Variants in OTULIN observed in about 807,000 individuals in gnomAD.
The protein encoded by OTULIN is OTU deubiquitinase with linear linkage specificity.
OTULIN carries 15 observed loss-of-function variants against 39.6 expected under a neutral mutation model. That is an observed-to-expected ratio of 0.38 (90% confidence interval 0.25 to 0.58). The LOEUF (loss-of-function observed/expected upper bound fraction) is 0.58, where lower values mean the gene tolerates loss of function less well. OTULIN is among the 20% of genes least tolerant of loss of function. The pLI, the probability that OTULIN is intolerant of heterozygous loss-of-function variation, is 0.66. For synonymous variants in OTULIN, 156 were observed against 170.3 expected, an observed-to-expected ratio of 0.92 and a Z score of 0.65; for missense variants, 319 against 445.9, an observed-to-expected ratio of 0.72 and a Z score of 2.56.
chr5:14,687,311 C>G (rs1004672910), intron 4 of OTULIN, among the ~76,000 whole-genome samples: 20 of 152,240 alleles, frequency 1.3e-4, no homozygotes, highest in Non-Finnish European at 1.0e-4. Context: ...CACCATTTCA[C>G]TCCAGCAGCC....
intron 1 of OTULIN, among the ~76,000 whole-genome samples, chr5:14,672,544 G>T (rs1451045250): frequency 2.0e-5 from 3 of 152,010 alleles, no homozygotes; most frequent in Non-Finnish European, 4.4e-5. Context: ...GTTCCACTGG[G>T]TCTGCAGCCT....
At chr5:14,668,806 T>G (rs31922) in intron 1 of OTULIN, among the ~76,000 whole-genome samples, 107,415 of 152,154 alleles carry the variant, frequency 0.71, 39,521 homozygotes, top group Middle Eastern at 0.85. Flanking sequence ...AATCAAAAAT[T>G]GAAAAACTGG....
At chr5:14,683,687 C>A (rs921809810) in intron 4 of OTULIN, among the ~76,000 whole-genome samples, 8 of 152,166 alleles carry the variant, frequency 5.3e-5, no homozygotes, top group African/African-American at 1.9e-4. Context: ...GACATAATAT[C>A]TTCCTCAATT....
the OTULIN span, chr5:14,713,735 C>G: frequency 6.2e-6 from 10 of 1,609,108 alleles, no homozygotes; most frequent in East Asian, 2.2e-4. The surrounding 1 kb of genome is among the most constrained non-coding windows in gnomAD (Gnocchi z 4.4). Context: ...TGCCTCTGGA[C>G]CAGGGCAGCA....
chr5:14,706,474 A>G, the OTULIN span: 1 of 152,210 alleles, frequency 6.6e-6, no homozygotes, highest in Non-Finnish European at 1.5e-5. Context: ...AATAGATTTA[A>G]TGTCCACTCT....
At chr5:14,714,070 G>A in the OTULIN span, among the ~76,000 whole-genome samples, 6 of 152,244 alleles carry the variant, frequency 3.9e-5, no homozygotes, top group Admixed American at 1.3e-4. Context: ...CAGAAAAGCT[G>A]GCATCAGAAG....
Position 14,696,999 on chromosome 5 carries a change from A to T in OTULIN, c.*3951A>T, listed in dbSNP as rs1736686320. On this transcript the variant is annotated 3_prime_UTR_variant, in exon 7 of 7. Transcript: ENST00000284274. ...GCCTGCCACTTCTGGCATTTCCTGT[A>T]AGTCACTAGCAGTAGGTGTGAGGTG... is the stretch of plus-strand genomic sequence containing the variant. 6.6e-6 allele frequency: 1 copy of T among 152,272 alleles called. No individual in the cohort carries two copies. The highest frequency in any genetic ancestry group is 1.5e-5 in the Non-Finnish European group (1 of 68,078). 9.4% of individuals were successfully genotyped at this position (152,272 alleles called of 1,614,324 possible).
intron 1 of OTULIN, among the ~76,000 whole-genome samples, chr5:14,671,326 AAGAGGAACCATGT>A (rs1397308621): frequency 2.0e-5 from 3 of 152,230 alleles, no homozygotes; most frequent in Non-Finnish European, 4.4e-5. Context: ...AAAGAACTGG[AAGAGGAACCATGT>A]AGCTTACACG....
At chr5:14,691,892 AT>A (rs1306875296) in intron 6 of OTULIN, among the ~76,000 whole-genome samples, 4 of 152,166 alleles carry the variant, frequency 2.6e-5, no homozygotes, top group African/African-American at 9.7e-5. Flanking sequence ...TGTTTTTAAG[AT>A]TTCATCCATA....
chr5:14,712,465 C>G, the OTULIN span, among the ~76,000 whole-genome samples: 255 of 152,366 alleles, frequency 1.7e-3, 5 homozygotes, highest in East Asian at 0.047. Flanking sequence ...AGAGGCTGCC[C>G]GAGCTCCTGT....
intron 4 of OTULIN, 143 bp downstream of exon 4, chr5:14,681,750 G>A: frequency 2.1e-6 from 2 of 970,526 alleles, no homozygotes; most frequent in East Asian, 2.8e-5. Context: ...TGTGGCTGGG[G>A]TGATTTCACA....
At chr5:14,677,129 A>G (rs999651671) in intron 2 of OTULIN, among the ~76,000 whole-genome samples, 6 of 152,216 alleles carry the variant, frequency 3.9e-5, no homozygotes, top group South Asian at 2.1e-4. Flanking sequence ...AGTTTACTTA[A>G]AAAATTTTTT....
the OTULIN span, chr5:14,709,490 C>T: frequency 6.6e-6 from 1 of 152,212 alleles, no homozygotes; most frequent in African/African-American, 2.4e-5. Flanking sequence ...GTGAATGCAA[C>T]CCTGGCATGT....
chr5:14,713,009 A>T, the OTULIN span: 1 of 1,589,798 alleles, frequency 6.3e-7, no homozygotes, highest in Non-Finnish European at 8.6e-7. The surrounding 1 kb of genome is among the most constrained non-coding windows in gnomAD (Gnocchi z 4.4). Flanking sequence ...TTGTCTGTTA[A>T]GGCCAAGTCA....
Position 14,690,416 on chromosome 5 carries a change from A to G in OTULIN, c.864+108A>G. 1 of 1,360,306 alleles carries G rather than the reference A, an allele frequency of 7.4e-7. No homozygotes were observed. Among genetic ancestry groups the G allele is most frequent in the African/African-American group, 1.5e-5 (1 of 68,726 alleles). The allele number at this position is 1,360,306 out of a possible 1,614,324, so 84.3% of individuals were successfully genotyped here. A position where few individuals can be genotyped will look rare whatever the true frequency, so the allele number is the denominator to read the frequency against. The stretch of plus-strand genomic sequence containing the variant: ...AGAAATTCAGGGACAGCTTAGTTGG[A>G]TGGTTCTGGCTCAGGATGTCATGAG... On this transcript the variant is annotated intron_variant, in intron 6 of 6. Coordinates refer to ENST00000284274, the MANE Select transcript of OTULIN (RefSeq NM_138348.6). This position sits in a 1 kb window ranked among gnomAD's most constrained non-coding sequence, Gnocchi z 4.5.
rs1736511065 is a variant in OTULIN, at chr5:14,690,979, C to A, written c.864+671C>A. On this transcript the variant is annotated intron_variant, in intron 6 of 6. Transcript: ENST00000284274. This position sits in a 1 kb window ranked among gnomAD's most constrained non-coding sequence, Gnocchi z 4.5. ...TGTTTAATCTTGGCAACTGTAGCTG[C>A]ATTAAAAAGAGAAATGGAGTCACCT... Among the ~76,000 whole-genome samples, 1 of 152,162 alleles carries A rather than the reference C, an allele frequency of 6.6e-6. No individual in the cohort carries two copies. The highest frequency in any genetic ancestry group is 1.5e-5 in the Non-Finnish European group (1 of 68,022).
rs929737620 is a variant in OTULIN at position 14,687,752 on chromosome 5, G to C, written c.594+106G>C. 18 of 1,406,586 alleles carry C rather than the reference G, an allele frequency of 1.3e-5. No individual in the cohort carries two copies. The African/African-American group carries it at 2.6e-4, about 20-fold the overall frequency. The allele number at this position is 1,406,586 out of a possible 1,614,324, so 87.1% of individuals were successfully genotyped here. A position where few individuals can be genotyped will look rare whatever the true frequency, so the allele number is the denominator to read the frequency against. ...ACTCAGTGGATTTTCAAATGCTCTT[G>C]GCTGATTTTTAGGCAAAATGGTTTT... On this transcript the variant is annotated intron_variant, in intron 5 of 6. Transcript: ENST00000284274.
intron 6 of OTULIN, among the ~76,000 whole-genome samples, chr5:14,691,883 G>A (rs1392528913): frequency 6.6e-6 from 1 of 152,104 alleles, no homozygotes; most frequent in African/African-American, 2.4e-5. Flanking sequence ...TTAGCATAAT[G>A]TTTTTAAGAT....
At chr5:14,678,865 T>G in intron 3 of OTULIN, 90 bp downstream of exon 3, 1 of 796,126 alleles carries the variant, frequency 1.3e-6, no homozygotes, top group Non-Finnish European at 2.0e-6. Context: ...AGACATTAGT[T>G]AAAATGACTG....
Sources: gnomAD v4.1 joint callset for allele counts (sites outside exome capture counted in the v4.1 genomes callset) on GRCh38, gnomAD v4.1.1 for gene constraint, Gnocchi (gnomAD v3.1) non-coding constraint, MANE v1.5 for transcripts, NCBI Gene and HGNC (gene_info 2026-07-23, HGNC 2026-07-21) for gene names.